NRXN3: variants seen among roughly 807,000 people sequenced by gnomAD.
NRXN3 encodes neurexin III.
In NRXN3, 32 loss-of-function variants were observed where a neutral mutation model predicts 137.6. That is an observed-to-expected ratio of 0.23 (90% confidence interval 0.18 to 0.31). The LOEUF (loss-of-function observed/expected upper bound fraction) is 0.31. Among genes scored for constraint, NRXN3 ranks in the 10% least tolerant of loss-of-function variants. The pLI, the probability that NRXN3 is intolerant of heterozygous loss-of-function variation, is 1.00. For missense variants in NRXN3, 1,574 were observed against 2,062.5 expected (o/e 0.76, Z 4.59); for synonymous variants, 798 against 784.5 (o/e 1.02, Z -0.29).
intron 15 of NRXN3, among the ~76,000 whole-genome samples, chr14:79,369,135 T>C (rs2094000255): frequency 6.6e-6 from 1 of 152,074 alleles, no homozygotes; most frequent in Non-Finnish European, 1.5e-5. Context: ...TGACGAGCAG[T>C]GTGATGATGT....
intron 15 of NRXN3, among the ~76,000 whole-genome samples, chr14:79,285,856 C>T (rs1313937312): frequency 1.5e-5 from 2 of 135,404 alleles, no homozygotes; most frequent in Non-Finnish European, 3.2e-5. Context: ...CCGTGCGCTG[C>T]CCCCCACCGC....
At chr14:79,277,208 C>A (rs942889569) in intron 15 of NRXN3, among the ~76,000 whole-genome samples, 1 of 152,028 alleles carries the variant, frequency 6.6e-6, no homozygotes, top group Non-Finnish European at 1.5e-5. Context: ...AAGGGGCCAA[C>A]AATGCTATAA....
intron 19 of NRXN3, among the ~76,000 whole-genome samples, chr14:79,752,214 G>C (rs1418659805): frequency 7.4e-6 from 1 of 134,858 alleles, no homozygotes; most frequent in Non-Finnish European, 1.7e-5. Context: ...GACTCTTTTT[G>C]CTTGGTAAGC....
intron 4 of NRXN3, among the ~76,000 whole-genome samples, chr14:78,557,026 C>A (rs933902542): frequency 1.5e-5 from 2 of 135,646 alleles, no homozygotes; most frequent in African/African-American, 5.6e-5. Context: ...CTCCTCCCCT[C>A]CCCTTCCCTC....
At chr14:78,891,732 T>C (rs1347899694) in intron 10 of NRXN3, among the ~76,000 whole-genome samples, 1 of 151,982 alleles carries the variant, frequency 6.6e-6, no homozygotes, top group Non-Finnish European at 1.5e-5. Context: ...GCTTGCCAAA[T>C]GTGAGATGAT....
At chr14:79,320,270 TA>T (rs2089747470) in intron 15 of NRXN3, among the ~76,000 whole-genome samples, 1 of 152,194 alleles carries the variant, frequency 6.6e-6, no homozygotes, top group African/African-American at 2.4e-5. Context: ...CACGAATAAA[TA>T]CACAATTCTC....
intron 16 of NRXN3, among the ~76,000 whole-genome samples, chr14:79,623,849 G>GTTTTTTTTTT (rs571687023): frequency 5.1e-5 from 5 of 98,016 alleles, no homozygotes; most frequent in African/African-American, 7.7e-5. Context: ...CTTAGCTCCT[G>GTTTTTTTTTT]TTTTTTTTTT....
chr14:79,664,849 T>G (rs2098550379), intron 17 of NRXN3, among the ~76,000 whole-genome samples: 1 of 152,116 alleles, frequency 6.6e-6, no homozygotes. Flanking sequence ...ATAGTGAGAA[T>G]ATTGCACTTC....
rs187924700 is a variant in NRXN3, at chr14:79,208,006, G to A, written c.3262+219865G>A. ...ATATTACAGATGAGGAAACTAAGAA[G>A]TTAAGTAACTTGCCCAGAGGGTATA... On this transcript the variant is annotated intron_variant, in intron 15 of 20. Coordinates refer to ENST00000335750, the MANE Select transcript of NRXN3 (RefSeq NM_001330195.2). Among the ~76,000 whole-genome samples, 145 of 152,280 alleles carry A rather than the reference G, an allele frequency of 9.5e-4. 1 individual carries two copies. Among genetic ancestry groups the A allele is most frequent in the African/African-American group, 3.4e-3 (141 of 41,570 alleles).
At chr14:79,519,032 C>A (rs1007858803) in intron 16 of NRXN3, among the ~76,000 whole-genome samples, 1 of 152,168 alleles carries the variant, frequency 6.6e-6, no homozygotes, top group Non-Finnish European at 1.5e-5. Context: ...AATGATTTAT[C>A]TGTGACCTTT....
chr14:79,450,085 C>T (rs1003430889), intron 15 of NRXN3, among the ~76,000 whole-genome samples: 1 of 150,804 alleles, frequency 6.6e-6, no homozygotes, highest in African/African-American at 2.4e-5. Context: ...CTCTTTCTCT[C>T]TCTCCCTCTC....
chr14:79,702,121 G>A (rs1419702327), intron 19 of NRXN3, among the ~76,000 whole-genome samples: 1 of 151,896 alleles, frequency 6.6e-6, no homozygotes. Flanking sequence ...TTTAGGGGCT[G>A]AAATTAGTCC....
At chr14:78,629,487 C>T (rs969536874) in intron 4 of NRXN3, among the ~76,000 whole-genome samples, 3 of 152,188 alleles carry the variant, frequency 2.0e-5, no homozygotes, top group Non-Finnish European at 4.4e-5. Context: ...GAATGCAAGA[C>T]AGATCTTTTC....
chr14:78,864,176 C>A (rs1165682194), intron 10 of NRXN3, among the ~76,000 whole-genome samples: 1 of 152,086 alleles, frequency 6.6e-6, no homozygotes, highest in Non-Finnish European at 1.5e-5. Context: ...TGTACTTCAC[C>A]TCTGTATTTC....
chr14:79,806,798 G>A (rs2099207423), intron 20 of NRXN3, among the ~76,000 whole-genome samples: 1 of 149,256 alleles, frequency 6.7e-6, no homozygotes, highest in South Asian at 2.1e-4. Context: ...CAATTCAACA[G>A]ATATTTTTGA....
At chr14:79,170,127 C>G (rs553637924) in intron 15 of NRXN3, among the ~76,000 whole-genome samples, 1 of 152,116 alleles carries the variant, frequency 6.6e-6, no homozygotes, top group African/African-American at 2.4e-5. Context: ...CCATGCTCAA[C>G]GTTAATTGAT....
intron 4 of NRXN3, among the ~76,000 whole-genome samples, chr14:78,454,534 C>T (rs1348817014): frequency 6.6e-6 from 1 of 152,138 alleles, no homozygotes; most frequent in East Asian, 1.9e-4. Flanking sequence ...AATGTGTAGC[C>T]AGGTTTGAGA....
intron 15 of NRXN3, among the ~76,000 whole-genome samples, chr14:79,261,750 T>C (rs1292318938): frequency 6.6e-6 from 1 of 152,042 alleles, no homozygotes; most frequent in Non-Finnish European, 1.5e-5. Flanking sequence ...TATGCACATA[T>C]TATCTTGGCC....
intron 14 of NRXN3, among the ~76,000 whole-genome samples, chr14:78,984,293 G>A (rs1174877511): frequency 6.6e-6 from 1 of 152,164 alleles, no homozygotes; most frequent in Non-Finnish European, 1.5e-5. Context: ...ACCATTCCGT[G>A]TTGTAAGCAT....
Sources: allele counts gnomAD v4.1 joint callset (sites outside exome capture counted in the v4.1 genomes callset), GRCh38; gene constraint gnomAD v4.1.1; transcripts MANE v1.5; gene names NCBI Gene and HGNC (gene_info 2026-07-23, HGNC 2026-07-21).